PRKAR2A: variants seen among roughly 807,000 people sequenced by gnomAD.
PRKAR2A encodes cAMP-dependent protein kinase type II-alpha regulatory subunit.
Under a neutral mutation model 51.9 loss-of-function variants are expected in PRKAR2A, and 29 were observed. The ratio of observed to expected loss-of-function variants is 0.56; its 90% CI spans 0.42 to 0.76. The LOEUF (loss-of-function observed/expected upper bound fraction) is 0.76, where lower values mean the gene tolerates loss of function less well. PRKAR2A is among the 30% of genes least tolerant of loss of function. The pLI, the probability that PRKAR2A is intolerant of heterozygous loss-of-function variation, is 0.00. For synonymous variants in PRKAR2A, 178 were observed against 186.2 expected (o/e 0.96, Z 0.36); for missense variants, 445 against 512.1 (o/e 0.87, Z 1.26).
rs535799670 is a variant in PRKAR2A, at chr3:48,749,391, C to T, written c.*2194G>A. On this transcript the variant is annotated 3_prime_UTR_variant, in exon 11 of 11. Transcript: ENST00000265563. ...AAATAAATACAAGCTAAATTACCTT[C>T]TTCTGGGGTTAACAATTAGAATCCC... is the stretch of plus-strand genomic sequence containing the variant. 15 of 152,210 alleles carry T rather than the reference C, an allele frequency of 9.9e-5. No homozygotes were observed. Among genetic ancestry groups the T allele is most frequent in the Non-Finnish European group, 1.6e-4 (11 of 67,996 alleles). The allele number at this position is 152,210 out of a possible 1,614,324, so 9.4% of individuals were successfully genotyped here.
chr3:48,817,031 T>C (rs181117051), intron 1 of PRKAR2A, among the ~76,000 whole-genome samples: 5 of 151,578 alleles, frequency 3.3e-5, no homozygotes, highest in South Asian at 2.1e-4. Flanking sequence ...AAAATAATAA[T>C]AATAATAAGG....
chr3:48,822,733 T>A (rs1045798925), intron 1 of PRKAR2A, among the ~76,000 whole-genome samples: 1 of 149,892 alleles, frequency 6.7e-6, no homozygotes, highest in Non-Finnish European at 1.5e-5. Flanking sequence ...TGTTTTTTTT[T>A]TTTTTTTTCT....
intron 1 of PRKAR2A, among the ~76,000 whole-genome samples, chr3:48,834,054 A>T (rs901550127): frequency 1.4e-4 from 22 of 151,968 alleles, no homozygotes; most frequent in Non-Finnish European, 3.1e-4. Flanking sequence ...AAAAAAAGAA[A>T]AAAAAGAAAA....
chr3:48,754,684 G>GA (rs2107197697), intron 9 of PRKAR2A, among the ~76,000 whole-genome samples: 1 of 151,760 alleles, frequency 6.6e-6, no homozygotes, highest in South Asian at 2.1e-4. Context: ...TGAGGCAGGA[G>GA]AATCGCTTGA....
At chr3:48,829,838 T>TGC (rs1559646756) in intron 1 of PRKAR2A, among the ~76,000 whole-genome samples, 1 of 73,342 alleles carries the variant, frequency 1.4e-5, no homozygotes, top group South Asian at 8.5e-4. Context: ...TACATATATA[T>TGC]GCGTGTGTGT....
chr3:48,775,056 C>T (rs1176153215), intron 5 of PRKAR2A, among the ~76,000 whole-genome samples: 1 of 152,124 alleles, frequency 6.6e-6, no homozygotes, highest in Admixed American at 6.6e-5. Context: ...ATTTTCATCA[C>T]AAAAAGATGT....
In PRKAR2A at chr3:48,751,420, C is replaced by T. The variant is rs1212903312; in HGVS notation, c.*165G>A. On this transcript the variant is annotated 3_prime_UTR_variant, in exon 11 of 11. Transcript: ENST00000265563. ...AGGTGTGGGTTGAACCTCTGCCCAT[C>T]CTTTAGTGCTGACTTTCAAGTTTTC... 7.1e-6 allele frequency: 7 copies of T among 980,366 alleles called. No individual in the cohort carries two copies. In the South Asian group the frequency reaches 8.3e-5, roughly 12 times the overall value. 60.7% of individuals were successfully genotyped at this position (980,366 alleles called of 1,614,324 possible). A position where few individuals can be genotyped will look rare whatever the true frequency, so the allele number is the denominator to read the frequency against.
rs1381430513 is a variant in PRKAR2A, at chr3:48,823,537, C to T, written c.263-15853G>A. 2.0e-5 allele frequency among the ~76,000 whole-genome samples: 3 copies of T among 151,950 alleles called. No individual in the cohort carries two copies. The East Asian group carries it at 5.8e-4, about 29-fold the overall frequency. On this transcript the variant is annotated intron_variant, in intron 1 of 10. Coordinates refer to ENST00000265563, the MANE Select transcript of PRKAR2A (RefSeq NM_004157.4). ...GAAAAATACAGTTGGAGAGTTTTTT[C>T]TAATCACAAGTCTAAAACCAAAAAT...
intron 5 of PRKAR2A, among the ~76,000 whole-genome samples, chr3:48,776,418 TTTCATC>T (rs1411809903): frequency 5.3e-5 from 8 of 152,300 alleles, no homozygotes; most frequent in East Asian, 1.9e-4. Context: ...CTATATGTAA[TTTCATC>T]TGCTAATAAT....
intron 1 of PRKAR2A, among the ~76,000 whole-genome samples, chr3:48,841,146 A>G (rs1344616255): frequency 2.0e-5 from 3 of 150,032 alleles, no homozygotes; most frequent in Non-Finnish European, 4.4e-5. Flanking sequence ...TCGGCCCCCC[A>G]GTGCTGGGAT....
intron 4 of PRKAR2A, among the ~76,000 whole-genome samples, chr3:48,786,607 C>T (rs536880932): frequency 6.1e-5 from 9 of 147,752 alleles, no homozygotes; most frequent in South Asian, 2.2e-4. Context: ...ACCATCCTGG[C>T]GAACATGGTG....
intron 8 of PRKAR2A, among the ~76,000 whole-genome samples, chr3:48,758,824 A>C (rs2081816831): frequency 6.6e-6 from 1 of 152,098 alleles, no homozygotes; most frequent in Non-Finnish European, 1.5e-5. Context: ...ATTACTATCC[A>C]ATTTTGTGGA....
intron 4 of PRKAR2A, among the ~76,000 whole-genome samples, chr3:48,785,450 G>C (rs1038211468): frequency 6.6e-6 from 1 of 152,136 alleles, no homozygotes; most frequent in African/African-American, 2.4e-5. Flanking sequence ...AGTAGAGACG[G>C]GGTTTCACCA....
chr3:48,775,437 C>CAAAA (rs2082092374), intron 5 of PRKAR2A, among the ~76,000 whole-genome samples: 1 of 148,280 alleles, frequency 6.7e-6, no homozygotes, highest in African/African-American at 2.5e-5. Flanking sequence ...GGCTCTGTCT[C>CAAAA]AAAACAAACA....
intron 2 of PRKAR2A, among the ~76,000 whole-genome samples, chr3:48,796,472 T>C (rs962803092): frequency 5.3e-5 from 8 of 152,170 alleles, no homozygotes; most frequent in African/African-American, 1.9e-4. Context: ...CTTACAACTT[T>C]GCTCTTTTTG....
chr3:48,841,590 G>A (rs1266505193), intron 1 of PRKAR2A, among the ~76,000 whole-genome samples: 1 of 149,270 alleles, frequency 6.7e-6, no homozygotes, highest in Non-Finnish European at 1.5e-5. Context: ...TATATACCTA[G>A]GAGTGAAATT....
chr3:48,828,415 G>A (rs1467014070), intron 1 of PRKAR2A, among the ~76,000 whole-genome samples: 2 of 151,898 alleles, frequency 1.3e-5, no homozygotes, highest in East Asian at 3.9e-4. Context: ...GCACTGTACA[G>A]GTACACAAAA....
chr3:48,828,262 T>TGATCATGGCCCACAACAGCCTC (rs2083102466), intron 1 of PRKAR2A, among the ~76,000 whole-genome samples: 1 of 152,110 alleles, frequency 6.6e-6, no homozygotes, highest in Non-Finnish European at 1.5e-5. Context: ...CAAACAGGCG[T>TGATCATGGCCCACAACAGCCTC]GATCATGGCC....
At position 48,793,628 on chromosome 3, in the gene PRKAR2A, T is replaced by C. The variant is rs189146089; in HGVS notation, c.351+369A>G. Reference sequence around the variant, plus strand: ...CCTGCCTCAGGCTCCTAAGTAGCTGTGAATACAGGCACATGCCACCAAACC... The same window carrying C: ...CCTGCCTCAGGCTCCTAAGTAGCTGCGAATACAGGCACATGCCACCAAACC... On this transcript the variant is annotated intron_variant, in intron 3 of 10. Transcript: ENST00000265563. Among the ~76,000 whole-genome samples, 25 of 151,736 alleles carry C rather than the reference T, an allele frequency of 1.6e-4. No homozygotes were observed. In the East Asian group the frequency reaches 4.7e-3, roughly 28 times the overall value.
Sources: allele counts gnomAD v4.1 joint callset (sites outside exome capture counted in the v4.1 genomes callset), GRCh38; gene constraint gnomAD v4.1.1; transcripts MANE v1.5; gene names NCBI Gene and HGNC (gene_info 2026-07-23, HGNC 2026-07-21).